Variants in CCDC171 observed in about 807,000 individuals in gnomAD.
CCDC171 encodes the protein coiled-coil domain-containing protein 171.
In CCDC171, 177 loss-of-function variants were observed where a neutral mutation model predicts 168.2. That is an observed-to-expected ratio of 1.05 (90% CI 0.93 to 1.19). CCDC171 has a LOEUF of 1.19. Among genes scored for constraint, CCDC171 ranks in the 50% most tolerant of loss-of-function variants. CCDC171 has a pLI of 0.00. For synonymous variants in CCDC171, 687 were observed against 540.8 expected, an observed-to-expected ratio of 1.27 and a Z score of -3.75; for missense variants, 1,991 against 1,539.0, an observed-to-expected ratio of 1.29 and a Z score of -4.91.
chr9:15,762,713 AGTT>A (rs942615703), intron 18 of CCDC171, among the ~76,000 whole-genome samples: 2 of 152,208 alleles, frequency 1.3e-5, no homozygotes, highest in African/African-American at 2.4e-5. Context: ...AAATTTGACT[AGTT>A]GTGAAAAATG....
chr9:15,607,823 T>C (rs892464302), intron 6 of CCDC171, among the ~76,000 whole-genome samples: 12 of 152,214 alleles, frequency 7.9e-5, no homozygotes, highest in Non-Finnish European at 1.6e-4. Flanking sequence ...TCAGTTTAAC[T>C]GCTGTATAAT....
chr9:15,785,721 G>C (rs1227176239), intron 21 of CCDC171, among the ~76,000 whole-genome samples: 1 of 152,030 alleles, frequency 6.6e-6, no homozygotes, highest in East Asian at 1.9e-4. Context: ...ACATTTCTTA[G>C]TAAGTAATAT....
chr9:15,732,393 T>TTTATTGTTCCCACTTCAC (rs1254427407), intron 16 of CCDC171, among the ~76,000 whole-genome samples: 1 of 152,106 alleles, frequency 6.6e-6, no homozygotes, highest in Non-Finnish European at 1.5e-5. Flanking sequence ...TCCCTCTTCA[T>TTTATTGTTCCCACTTCAC]TTATTGTTCC....
At chr9:15,567,196 A>G (rs2132625981) in intron 2 of CCDC171, among the ~76,000 whole-genome samples, 1 of 151,708 alleles carries the variant, frequency 6.6e-6, no homozygotes, top group Non-Finnish European at 1.5e-5. Context: ...TAATTTTTGT[A>G]TTTTTAGTAG....
intron 3 of CCDC171, 30 bp from the exon 4 acceptor site, chr9:15,578,819 C>T (rs2040886005): frequency 6.3e-7 from 1 of 1,581,480 alleles, no homozygotes; most frequent in Non-Finnish European, 8.6e-7. Flanking sequence ...AATCTTTGGA[C>T]ACATGTTGAT....
rs534633490 is a variant in CCDC171 at position 15,745,547 on chromosome 9, G to C, written c.2587G>C (p.Ala863Pro). The change falls in exon 18 of 26, where the codon GCG becomes CCG. Residue 863 changes from alanine to proline, a missense_variant. Ala to Pro is a conservative substitution (Grantham distance 27). Coordinates refer to ENST00000380701, the MANE Select transcript of CCDC171 (RefSeq NM_173550.4). ...HQKEQLRCLQALSWLTSSDLL... is the reference protein window; with the variant it reads ...HQKEQLRCLQPLSWLTSSDLL... ...AAAGGAGCAGTTGCGTTGTTTACAAGCGCTCAGTTGGCTCACCAGTTCTGA... is the reference window on the plus strand; with the variant it reads ...AAAGGAGCAGTTGCGTTGTTTACAACCGCTCAGTTGGCTCACCAGTTCTGA... The C allele has an allele frequency of 2.5e-6, 4 of 1,588,014 alleles. No individual in the cohort carries two copies. The highest frequency in any genetic ancestry group is 3.4e-6 in the Non-Finnish European group (4 of 1,169,966).
Position 15,971,783 on chromosome 9 carries a change from T to C in CCDC171, c.3928T>C (p.Ser1310Pro). 2 of 1,613,980 alleles carry C rather than the reference T, an allele frequency of 1.2e-6. No individual in the cohort carries two copies. Among genetic ancestry groups the C allele is most frequent in the South Asian group, 1.1e-5 (1 of 91,082 alleles). Residue 1310 changes from serine to proline, a missense_variant, in exon 26 of 26, where the codon TCT (serine) becomes CCT (proline). Physicochemically the swap from Ser to Pro is moderately conservative, Grantham distance 74. Transcript: ENST00000380701. The part of the protein sequence containing the change: ...VPHALTSSHS[S>P]PVTMSANANR... Reference sequence around the variant, plus strand: ...CCATGCTCTGACATCATCTCACTCCTCTCCAGTGACTATGTCTGCTAATGC... The same window carrying C: ...CCATGCTCTGACATCATCTCACTCCCCTCCAGTGACTATGTCTGCTAATGC...
chr9:15,594,412 T>TAAA (rs2042198420), intron 6 of CCDC171, among the ~76,000 whole-genome samples: 1 of 152,134 alleles, frequency 6.6e-6, no homozygotes, highest in African/African-American at 2.4e-5. Context: ...GAAGGATGTA[T>TAAA]ATATATTTGG....
chr9:15,895,281 G>A (rs556944116), intron 24 of CCDC171, among the ~76,000 whole-genome samples: 1 of 152,256 alleles, frequency 6.6e-6, no homozygotes, highest in African/African-American at 2.4e-5. Flanking sequence ...GTCAGAGAAT[G>A]GCTGCCTTTT....
chr9:15,822,744 A>T (rs968951999), intron 21 of CCDC171, among the ~76,000 whole-genome samples: 1 of 152,170 alleles, frequency 6.6e-6, no homozygotes, highest in Non-Finnish European at 1.5e-5. Flanking sequence ...GTGGGACTGT[A>T]AACTAGTTCA....
chr9:16,054,335 C>T (rs1833799229), intron 1 of CCDC171, among the ~76,000 whole-genome samples: 1 of 152,138 alleles, frequency 6.6e-6, no homozygotes, highest in African/African-American at 2.4e-5. Context: ...CGGGTGTGCA[C>T]GAAGTCCAGA....
downstream of CCDC171, among the ~76,000 whole-genome samples, chr9:15,976,644 G>A (rs190685759): frequency 0.025 from 3,806 of 151,120 alleles, 87 homozygotes; most frequent in Non-Finnish European, 0.035. Flanking sequence ...TAATGATAGG[G>A]AATTTATGAA....
chr9:15,632,491 G>A (rs754786730), intron 7 of CCDC171, among the ~76,000 whole-genome samples: 2,286 of 151,990 alleles, frequency 0.015, 26 homozygotes, highest in African/African-American at 0.024. Flanking sequence ...TTCAAGGAGA[G>A]CTACAAACCA....
rs140784740 is a variant in CCDC171, at chr9:15,968,814, C to T, written c.3754-2795C>T. Among the ~76,000 whole-genome samples the T allele has an allele frequency of 1.9e-3, 292 of 152,286 alleles. 2 individuals are homozygous for T. Among genetic ancestry groups the T allele is most frequent in the African/African-American group, 6.1e-3 (254 of 41,570 alleles). The stretch of plus-strand genomic sequence containing the variant: ...TCGGCCTCCCAAAGTGCTGGGATTA[C>T]AAGTGTGAGCCACCATCCCCAGCCG... On this transcript the variant is annotated intron_variant, in intron 25 of 25. Transcript: ENST00000380701.
chr9:15,837,330 G>C (rs551674765), intron 21 of CCDC171, among the ~76,000 whole-genome samples: 1 of 152,186 alleles, frequency 6.6e-6, no homozygotes, highest in African/African-American at 2.4e-5. Context: ...CAGGTGAATG[G>C]GTTGGTTACA....
Position 15,792,912 on chromosome 9 carries a change from C to G in CCDC171, c.3267+8218C>G, listed in dbSNP as rs530751054. Among the ~76,000 whole-genome samples the G allele has an allele frequency of 1.8e-3, 268 of 152,188 alleles. 2 individuals are homozygous for G. Among genetic ancestry groups the G allele is most frequent in the African/African-American group, 6.0e-3 (250 of 41,494 alleles). Reference sequence around the variant, plus strand: ...CATCGAGGCTAGGAAGAAACTGCATCAACTAATGAGCAAAATAACCAGCTA... The same window carrying G: ...CATCGAGGCTAGGAAGAAACTGCATGAACTAATGAGCAAAATAACCAGCTA... On this transcript the variant is annotated intron_variant, in intron 21 of 25. Coordinates refer to ENST00000380701, the MANE Select transcript of CCDC171 (RefSeq NM_173550.4).
At chr9:15,571,140 T>C (rs1190849526) in intron 2 of CCDC171, among the ~76,000 whole-genome samples, 1 of 152,238 alleles carries the variant, frequency 6.6e-6, no homozygotes, top group Non-Finnish European at 1.5e-5. Flanking sequence ...TATCTCATCT[T>C]TTGTGTTCTC....
intron 11 of CCDC171, 119 bp downstream of exon 11, chr9:15,695,456 A>G (rs549677902): frequency 1.8e-5 from 14 of 781,128 alleles, no homozygotes; most frequent in African/African-American, 1.5e-4. Context: ...ATTTGATGAC[A>G]TGATAAGAGC....
chr9:16,102,057 A>T, the CCDC171 span, among the ~76,000 whole-genome samples: 2 of 152,222 alleles, frequency 1.3e-5, no homozygotes, highest in Non-Finnish European at 2.9e-5. Flanking sequence ...CACCTATTAA[A>T]TCTGGCAGCC....
Sources: gnomAD v4.1 joint callset for allele counts (sites outside exome capture counted in the v4.1 genomes callset) on GRCh38, gnomAD v4.1.1 for gene constraint, MANE v1.5 for transcripts, NCBI Gene and HGNC (gene_info 2026-07-23, HGNC 2026-07-21) for gene names.